The following AGPS variants were observed in gnomAD, a reference collection of about 807,000 sequenced individuals.
AGPS encodes the protein alkyldihydroxyacetonephosphate synthase, peroxisomal.
In AGPS, 26 loss-of-function variants were observed where a neutral mutation model predicts 90.7. The ratio of observed to expected loss-of-function variants is 0.29; its 90% CI spans 0.21 to 0.40. The LOEUF is 0.40. AGPS is among the 10% of genes least tolerant of loss of function. AGPS has a pLI of 1.00. For missense variants in AGPS, 540 were observed against 816.1 expected, an observed-to-expected ratio of 0.66 and a Z score of 4.12; for synonymous variants, 294 against 285.3, an observed-to-expected ratio of 1.03 and a Z score of -0.31.
chr2:177,460,287 A>G (rs935824022), intron 8 of AGPS, among the ~76,000 whole-genome samples: 21 of 152,142 alleles, frequency 1.4e-4, no homozygotes, highest in African/African-American at 5.1e-4. Context: ...CACGTTCTGC[A>G]CATGTACCCC....
At chr2:177,481,174 C>G (rs555458868) in intron 10 of AGPS, among the ~76,000 whole-genome samples, 1 of 152,128 alleles carries the variant, frequency 6.6e-6, no homozygotes, top group South Asian at 2.1e-4. Flanking sequence ...TCAAGGATTT[C>G]TCCCCGTCTT....
chr2:177,484,681 A>T (rs1688044660), intron 11 of AGPS, among the ~76,000 whole-genome samples: 1 of 151,956 alleles, frequency 6.6e-6, no homozygotes, highest in South Asian at 2.1e-4. Context: ...AGTTCATGTC[A>T]TTTCTTGTTC....
chr2:177,442,268 A>G, intron 6 of AGPS, 139 bp from the exon 7 acceptor site: 1 of 688,206 alleles, frequency 1.5e-6, no homozygotes, highest in Non-Finnish European at 2.6e-6. Context: ...AGCATTTGCA[A>G]GTTGTATTTT....
intron 6 of AGPS, 184 bp downstream of exon 6, chr2:177,441,220 A>G (rs1686591998): frequency 1.7e-6 from 1 of 592,186 alleles, no homozygotes. Flanking sequence ...TGTTTGAGAC[A>G]TGGTATACCT....
chr2:177,450,963 C>CATATATATATATATACATATATAT (rs1400248543), intron 8 of AGPS, among the ~76,000 whole-genome samples: 1 of 6,348 alleles, frequency 1.6e-4, no homozygotes, highest in African/African-American at 3.3e-4. Flanking sequence ...ACATGTCTTT[C>CATATATATATATATACATATATAT]ATATATATAT....
At chr2:177,417,640 A>C (rs1342471425) in intron 1 of AGPS, among the ~76,000 whole-genome samples, 1 of 152,196 alleles carries the variant, frequency 6.6e-6, no homozygotes, top group Admixed American at 6.5e-5. Flanking sequence ...GATACTCACA[A>C]CTAACTTAGC....
intron 9 of AGPS, among the ~76,000 whole-genome samples, chr2:177,464,195 C>T (rs538637224): frequency 3.6e-4 from 55 of 152,282 alleles, no homozygotes; most frequent in African/African-American, 1.3e-3. Context: ...CCTGCCTCGG[C>T]CTCCCAAAGT....
At chr2:177,466,923 G>A (rs1214960933) in intron 9 of AGPS, among the ~76,000 whole-genome samples, 2 of 152,168 alleles carry the variant, frequency 1.3e-5, no homozygotes, top group Non-Finnish European at 2.9e-5. Flanking sequence ...GCCCCCAAGA[G>A]CACAGGGATG....
intron 8 of AGPS, among the ~76,000 whole-genome samples, chr2:177,456,305 G>A (rs984677948): frequency 7.9e-5 from 12 of 152,150 alleles, no homozygotes; most frequent in African/African-American, 1.9e-4. Context: ...AGGAGAAAGC[G>A]GCTAAATGTA....
intron 1 of AGPS, among the ~76,000 whole-genome samples, chr2:177,418,211 C>T (rs753180753): frequency 6.6e-6 from 1 of 151,974 alleles, no homozygotes; most frequent in African/African-American, 2.4e-5. Context: ...TAGAATATTA[C>T]CCAACTTGAA....
chr2:177,430,951 A>G (rs1574361194), intron 2 of AGPS, among the ~76,000 whole-genome samples: 1 of 152,318 alleles, frequency 6.6e-6, no homozygotes. Context: ...TTTTGATGGC[A>G]TAATTTTTAA....
intron 1 of AGPS, among the ~76,000 whole-genome samples, chr2:177,412,531 G>A (rs1312204490): frequency 6.6e-6 from 1 of 152,024 alleles, no homozygotes; most frequent in East Asian, 1.9e-4. Flanking sequence ...CACGCTAATC[G>A]TTTTTTTAAC....
chr2:177,443,975 C>T (rs1686689683), intron 7 of AGPS, among the ~76,000 whole-genome samples: 1 of 152,016 alleles, frequency 6.6e-6, no homozygotes, highest in Non-Finnish European at 1.5e-5. Flanking sequence ...ATGTAATTGC[C>T]TCAAGGGCCA....
chr2:177,533,201 A>T (rs1471422425), intron 19 of AGPS, among the ~76,000 whole-genome samples: 1 of 152,192 alleles, frequency 6.6e-6, no homozygotes, highest in Admixed American at 6.5e-5. Flanking sequence ...TATGTTGATT[A>T]TAATATTTTT....
intron 5 of AGPS, 93 bp downstream of exon 5, chr2:177,437,147 G>C: frequency 1.7e-6 from 2 of 1,203,752 alleles, no homozygotes; most frequent in Non-Finnish European, 2.5e-6. Context: ...CATATGAGTT[G>C]TAAAAAATAT....
intron 2 of AGPS, among the ~76,000 whole-genome samples, chr2:177,426,020 AT>A (rs1686070340): frequency 6.6e-6 from 1 of 152,196 alleles, no homozygotes; most frequent in African/African-American, 2.4e-5. Context: ...CTTCCTATCC[AT>A]GAGCATAGAA....
rs879080371 is a variant in AGPS, at chr2:177,434,480, A to G, written c.441+63A>G. 1.4e-5 allele frequency: 17 copies of G among 1,237,590 alleles called. No homozygotes were observed. In the South Asian group the frequency reaches 2.0e-4, roughly 15 times the overall value. 76.7% of individuals were successfully genotyped at this position (1,237,590 alleles called of 1,614,324 possible). Reference sequence around the variant, plus strand: ...TGTTTTTAAAACCCAAATTAATTTGATTTATCTTTGTAATTCATTATATTG... The same window carrying G: ...TGTTTTTAAAACCCAAATTAATTTGGTTTATCTTTGTAATTCATTATATTG... On this transcript the variant is annotated intron_variant, in intron 3 of 19. Transcript: ENST00000264167.
At chr2:177,406,291 T>A (rs544657893) in intron 1 of AGPS, among the ~76,000 whole-genome samples, 5 of 152,364 alleles carry the variant, frequency 3.3e-5, no homozygotes, top group African/African-American at 1.2e-4. Flanking sequence ...GTGTCAGTAC[T>A]TGCTGCCTGC....
chr2:177,451,274 A>G (rs1686942523), intron 8 of AGPS, among the ~76,000 whole-genome samples: 1 of 152,232 alleles, frequency 6.6e-6, no homozygotes, highest in South Asian at 2.1e-4. Flanking sequence ...TTTTAAAAAC[A>G]GGATTTGTCC....
Sources: allele counts gnomAD v4.1 joint callset (sites outside exome capture counted in the v4.1 genomes callset), GRCh38; gene constraint gnomAD v4.1.1; transcripts MANE v1.5; gene names NCBI Gene and HGNC (gene_info 2026-07-23, HGNC 2026-07-21).